Variants in TMEM67 observed in about 807,000 individuals in gnomAD.
TMEM67 encodes the protein transmembrane protein 67, also known as meckelin.
TMEM67 carries 124 observed loss-of-function variants against 136.6 expected under a neutral mutation model. The observed-to-expected ratio is 0.91, with a 90% CI of 0.78 to 1.05. TMEM67 has a LOEUF of 1.05. Among genes scored for constraint, TMEM67 ranks in the 50% least tolerant of loss-of-function variants. The pLI, the probability that TMEM67 is intolerant of heterozygous loss-of-function variation, is 0.00. For synonymous variants in TMEM67, 364 were observed against 390.5 expected (o/e 0.93, Z 0.80); for missense variants, 1,107 against 1,178.4 (o/e 0.94, Z 0.89).
At chr8:93,796,881 T>C (rs1483683736) in intron 18 of TMEM67, among the ~76,000 whole-genome samples, 2 of 152,216 alleles carry the variant, frequency 1.3e-5, no homozygotes, top group Admixed American at 1.3e-4. Context: ...TCTTTTCATA[T>C]TCCTATTTTA....
intron 16 of TMEM67, among the ~76,000 whole-genome samples, chr8:93,794,243 A>G (rs1419961448): frequency 1.3e-5 from 2 of 152,138 alleles, no homozygotes; most frequent in Non-Finnish European, 2.9e-5. Flanking sequence ...TCATGTTATG[A>G]TACGTGCTTT....
chr8:93,778,321 T>C (rs1416218160), intron 7 of TMEM67, among the ~76,000 whole-genome samples: 1 of 152,236 alleles, frequency 6.6e-6, no homozygotes, highest in Non-Finnish European at 1.5e-5. Flanking sequence ...TGCCAGTCTG[T>C]GTCTTTTAAT....
chr8:93,782,599 G>A (rs1813893653), intron 11 of TMEM67, 139 bp downstream of exon 11: 3 of 628,190 alleles, frequency 4.8e-6, no homozygotes, highest in East Asian at 3.1e-5. Flanking sequence ...TTGAGATGGA[G>A]TTTTGCTCTT....
intron 20 of TMEM67, among the ~76,000 whole-genome samples, chr8:93,799,048 A>G (rs927215865): frequency 1.3e-5 from 2 of 151,692 alleles, no homozygotes. Context: ...GTAAGTTTGG[A>G]AAATATTGGA....
At chr8:93,825,547 C>G in the TMEM67 span, among the ~76,000 whole-genome samples, 2 of 151,934 alleles carry the variant, frequency 1.3e-5, no homozygotes, top group Non-Finnish European at 2.9e-5. Flanking sequence ...GCTGAGATGC[C>G]CATGAAGCAT....
At chr8:93,779,830 A>G (rs1345867101) in intron 7 of TMEM67, among the ~76,000 whole-genome samples, 1 of 152,208 alleles carries the variant, frequency 6.6e-6, no homozygotes, top group Non-Finnish European at 1.5e-5. Context: ...ACACAGGGTC[A>G]GGGATCCACT....
Position 93,817,122 on chromosome 8 carries a change from A to C in TMEM67, c.*670A>C, listed in dbSNP as rs1434965482. 1 of 152,236 alleles carries C rather than the reference A, an allele frequency of 6.6e-6. No homozygotes were observed. The highest frequency in any genetic ancestry group is 1.5e-5 in the Non-Finnish European group (1 of 68,040). The allele number at this position is 152,236 out of a possible 1,614,324, so 9.4% of individuals were successfully genotyped here. A position where few individuals can be genotyped will look rare whatever the true frequency, so the allele number is the denominator to read the frequency against. ...ATTTCTAATATAGTTTACATTTATT[A>C]AGTTATAACGTATGACATTTTTCCC... is the stretch of plus-strand genomic sequence containing the variant. On this transcript the variant is annotated 3_prime_UTR_variant, in exon 28 of 28. Coordinates refer to ENST00000453321, the MANE Select transcript of TMEM67 (RefSeq NM_153704.6).
At chr8:93,773,804 T>C (rs989383690) in intron 7 of TMEM67, among the ~76,000 whole-genome samples, 6 of 152,164 alleles carry the variant, frequency 3.9e-5, no homozygotes, top group Non-Finnish European at 8.8e-5. Context: ...TATTGTTCTT[T>C]CAAAAATAGT....
intron 23 of TMEM67, 147 bp downstream of exon 23, chr8:93,805,025 T>G: frequency 1.7e-6 from 1 of 582,622 alleles, no homozygotes. Flanking sequence ...CAGGCTGGAG[T>G]GCAGTGGCGC....
At chr8:93,822,986 A>G (rs1242976257), downstream of TMEM67, among the ~76,000 whole-genome samples, 1 of 152,230 alleles carries the variant, frequency 6.6e-6, no homozygotes, top group East Asian at 1.9e-4. Flanking sequence ...GGTGCTAAGG[A>G]TATGGAGGTA....
At position 93,816,271 on chromosome 8, in the gene TMEM67, T is replaced by C. The variant is rs558244214; in HGVS notation, c.2908-101T>C. On this transcript the variant is annotated intron_variant, in intron 27 of 27. Transcript: ENST00000453321. ...GATTCAGATACCTGATACATGAAAA[T>C]AGTTGAGAGAATTAGCTAATTTAAT... 1.8e-5 allele frequency: 10 copies of C among 559,822 alleles called. No homozygotes were observed. The South Asian group carries it at 2.6e-4, about 15-fold the overall frequency. 34.7% of individuals were successfully genotyped at this position (559,822 alleles called of 1,614,324 possible). A position where few individuals can be genotyped will look rare whatever the true frequency, so the allele number is the denominator to read the frequency against.
chr8:93,755,160 C>T, intron 1 of TMEM67, 23 bp downstream of exon 1: 1 of 1,606,704 alleles, frequency 6.2e-7, no homozygotes, highest in East Asian at 2.2e-5. Context: ...GCGGTGGGCC[C>T]TGGCAAAAGT....
chr8:93,818,581 CTG>C (rs1270115857), downstream of TMEM67, among the ~76,000 whole-genome samples: 3 of 152,090 alleles, frequency 2.0e-5, no homozygotes, highest in Non-Finnish European at 2.9e-5. Flanking sequence ...GGGGAAATAA[CTG>C]TAAGTCAAGG....
chr8:93,820,070 C>T (rs898954036), downstream of TMEM67, among the ~76,000 whole-genome samples: 5 of 152,248 alleles, frequency 3.3e-5, no homozygotes, highest in African/African-American at 7.2e-5. Flanking sequence ...ATTATTCCAA[C>T]GAGCCGATCC....
chr8:93,789,419 A>G (rs1339064703), intron 14 of TMEM67, among the ~76,000 whole-genome samples: 1 of 152,128 alleles, frequency 6.6e-6, no homozygotes, highest in Non-Finnish European at 1.5e-5. Flanking sequence ...CTGGAGTGAT[A>G]TTATGGGTAA....
intron 26 of TMEM67, among the ~76,000 whole-genome samples, chr8:93,814,555 C>T (rs566270503): frequency 1.3e-5 from 2 of 151,760 alleles, no homozygotes; most frequent in African/African-American, 2.4e-5. Context: ...TAACCTCAAA[C>T]TCCTTGGTTC....
the TMEM67 span, among the ~76,000 whole-genome samples, chr8:93,828,011 G>A: frequency 3.3e-5 from 5 of 152,256 alleles, no homozygotes; most frequent in African/African-American, 9.6e-5. Context: ...GCGTGAGGAT[G>A]CACAGCAGGC....
intron 23 of TMEM67, among the ~76,000 whole-genome samples, chr8:93,808,301 TATC>T (rs1481103925): frequency 3.5e-5 from 5 of 142,690 alleles, no homozygotes; most frequent in South Asian, 2.1e-4. Context: ...TTATATATAT[TATC>T]ATATATATTA....
intron 6 of TMEM67, among the ~76,000 whole-genome samples, chr8:93,771,115 A>G (rs1174456873): frequency 1.3e-5 from 2 of 152,140 alleles, no homozygotes; most frequent in African/African-American, 4.8e-5. Flanking sequence ...GACTATGTAA[A>G]TATCCATTTT....
Sources: gnomAD v4.1 joint callset for allele counts (sites outside exome capture counted in the v4.1 genomes callset) on GRCh38, gnomAD v4.1.1 for gene constraint, MANE v1.5 for transcripts, NCBI Gene and HGNC (gene_info 2026-07-23, HGNC 2026-07-21) for gene names.